FAM227B: variants seen among roughly 807,000 people sequenced by gnomAD.
The protein encoded by FAM227B is family with sequence similarity 227 member B, also known as protein FAM227B.
In FAM227B, 88 loss-of-function variants were observed where a neutral mutation model predicts 73.8. That is an observed-to-expected ratio of 1.19 (90% CI 1.00 to 1.42). FAM227B has a LOEUF of 1.42. FAM227B is among the 40% of genes most tolerant of loss of function. FAM227B has a pLI of 0.00. For missense variants in FAM227B, 632 were observed against 590.9 expected, an observed-to-expected ratio of 1.07 and a Z score of -0.72; for synonymous variants, 210 against 190.5, an observed-to-expected ratio of 1.10 and a Z score of -0.84.
chr15:49,367,655 C>T (rs2045423940), intron 12 of FAM227B, 47 bp from the exon 13 acceptor site: 1 of 1,489,744 alleles, frequency 6.7e-7, no homozygotes, highest in Non-Finnish European at 9.0e-7. Flanking sequence ...TTTTGTGTTT[C>T]TAAAAAACTG....
intron 11 of FAM227B, among the ~76,000 whole-genome samples, chr15:49,408,189 A>G (rs185379559): frequency 2.8e-4 from 42 of 152,308 alleles, no homozygotes; most frequent in Non-Finnish European, 3.7e-4. Flanking sequence ...TTGCATCTGA[A>G]TAATATTTTA....
At chr15:49,445,957 C>T (rs972606874) in intron 11 of FAM227B, among the ~76,000 whole-genome samples, 5 of 151,398 alleles carry the variant, frequency 3.3e-5, no homozygotes, top group Non-Finnish European at 7.4e-5. Flanking sequence ...ATCAGACTTC[C>T]CCATCTACAT....
intron 11 of FAM227B, among the ~76,000 whole-genome samples, chr15:49,433,790 C>T (rs1432407624): frequency 6.6e-6 from 1 of 151,634 alleles, no homozygotes; most frequent in African/African-American, 2.4e-5. Context: ...CATTTTTGTT[C>T]CCACCTGACT....
chr15:49,617,975 A>G (rs2078405595), intron 1 of FAM227B, among the ~76,000 whole-genome samples: 1 of 152,214 alleles, frequency 6.6e-6, no homozygotes, highest in African/African-American at 2.4e-5. Context: ...TCCTCCCTCT[A>G]TCTTCAAAGC....
At chr15:49,348,829 T>G (rs1040525649) in intron 13 of FAM227B, among the ~76,000 whole-genome samples, 2 of 152,220 alleles carry the variant, frequency 1.3e-5, no homozygotes, top group African/African-American at 4.8e-5. Flanking sequence ...GCCTTTGATA[T>G]TCACTTAAAC....
At chr15:49,543,128 G>T (rs1004014202) in intron 9 of FAM227B, among the ~76,000 whole-genome samples, 1 of 152,152 alleles carries the variant, frequency 6.6e-6, no homozygotes, top group Non-Finnish European at 1.5e-5. Flanking sequence ...ACCACCAGCA[G>T]TGTAAAAGTG....
chr15:49,424,180 C>CT (rs1205910657), intron 11 of FAM227B: 88 of 925,138 alleles, frequency 9.5e-5, no homozygotes, highest in Non-Finnish European at 1.4e-4. Context: ...AGCAACTACT[C>CT]TTTCTTAAAT....
chr15:49,449,895 T>G (rs2052566627), intron 11 of FAM227B, among the ~76,000 whole-genome samples: 1 of 152,074 alleles, frequency 6.6e-6, no homozygotes, highest in African/African-American at 2.4e-5. Flanking sequence ...ATGTTAAAAT[T>G]TCTGAGTTGG....
intron 9 of FAM227B, among the ~76,000 whole-genome samples, chr15:49,560,717 C>CT (rs1432882400): frequency 6.6e-6 from 1 of 152,098 alleles, no homozygotes; most frequent in East Asian, 1.9e-4. Context: ...GATTGGAGGT[C>CT]TATTTTCAGC....
intron 11 of FAM227B, among the ~76,000 whole-genome samples, chr15:49,383,033 C>G (rs541304228): frequency 2.0e-5 from 3 of 152,122 alleles, no homozygotes; most frequent in African/African-American, 4.8e-5. Context: ...CTACTTTGTG[C>G]TGTCGTGCAT....
intron 11 of FAM227B, among the ~76,000 whole-genome samples, chr15:49,386,194 C>G (rs1339638388): frequency 2.6e-5 from 4 of 151,514 alleles, no homozygotes; most frequent in Admixed American, 6.6e-5. Context: ...TTCCAGAATA[C>G]ACATTCTTCT....
At chr15:49,420,620 A>G (rs2049543898) in intron 11 of FAM227B, among the ~76,000 whole-genome samples, 2 of 152,222 alleles carry the variant, frequency 1.3e-5, no homozygotes, top group African/African-American at 2.4e-5. Context: ...ATGGAACAGA[A>G]TAAGATGTAA....
chr15:49,337,359 T>C (rs909497811), intron 13 of FAM227B, among the ~76,000 whole-genome samples: 2 of 152,098 alleles, frequency 1.3e-5, no homozygotes, highest in Admixed American at 1.3e-4. Flanking sequence ...ATCTATTGTT[T>C]TTTGACTTTT....
At chr15:49,380,224 TTCAG>T in intron 11 of FAM227B, among the ~76,000 whole-genome samples, 1 of 152,304 alleles carries the variant, frequency 6.6e-6, no homozygotes, top group African/African-American at 2.4e-5. Context: ...CCACAAGCTC[TTCAG>T]TCAGTTTGTG....
At chr15:49,514,253 T>C (rs2059230859) in intron 10 of FAM227B, among the ~76,000 whole-genome samples, 1 of 152,202 alleles carries the variant, frequency 6.6e-6, no homozygotes, top group Non-Finnish European at 1.5e-5. Context: ...TCCATTTGTT[T>C]GTGTCCTCTC....
intron 13 of FAM227B, among the ~76,000 whole-genome samples, chr15:49,356,327 T>A (rs1567139230): frequency 6.6e-6 from 1 of 150,380 alleles, no homozygotes; most frequent in African/African-American, 2.4e-5. Flanking sequence ...GTGTGCTGTA[T>A]TCAGGAAACC....
intron 13 of FAM227B, among the ~76,000 whole-genome samples, chr15:49,342,423 T>C (rs1214648349): frequency 6.6e-6 from 1 of 152,118 alleles, no homozygotes; most frequent in Admixed American, 6.5e-5. Context: ...GGGTGGGTGT[T>C]GTTACTTGTA....
chr15:49,396,373 G>C (rs1036205891), intron 11 of FAM227B: 115 of 249,498 alleles, frequency 4.6e-4, no homozygotes, highest in Non-Finnish European at 8.7e-4. Context: ...CTGATTGCTA[G>C]CACAGCAGTC....
chr15:49,569,260 A>G (rs1043321485), intron 8 of FAM227B, among the ~76,000 whole-genome samples: 7 of 151,654 alleles, frequency 4.6e-5, no homozygotes, highest in Non-Finnish European at 8.9e-5. Context: ...AGTCTTCCCT[A>G]TTTTTTAATA....
Sources: allele counts gnomAD v4.1 joint callset (sites outside exome capture counted in the v4.1 genomes callset), GRCh38; gene constraint gnomAD v4.1.1; transcripts MANE v1.5; gene names NCBI Gene and HGNC (gene_info 2026-07-23, HGNC 2026-07-21).